Variants in PRMT7 observed in about 807,000 individuals in gnomAD.
The protein encoded by PRMT7 is protein arginine N-methyltransferase 7.
PRMT7 carries 75 observed loss-of-function variants against 85.4 expected under a neutral mutation model. The observed-to-expected ratio is 0.88, with a 90% CI of 0.73 to 1.06. The LOEUF is 1.06. Among genes scored for constraint, PRMT7 ranks in the 50% least tolerant of loss-of-function variants. The pLI, the probability that PRMT7 is intolerant of heterozygous loss-of-function variation, is 0.00. For synonymous variants in PRMT7, 397 were observed against 359.5 expected (o/e 1.10, Z -1.18); for missense variants, 868 against 915.2 (o/e 0.95, Z 0.67).
intron 4 of PRMT7, chr16:68,322,352 C>CA (rs1567646664): frequency 2.3e-6 from 1 of 443,082 alleles, no homozygotes; most frequent in Non-Finnish European, 4.5e-6. Context: ...GGCATGCCAC[C>CA]ATGCCTGGCT....
At chr16:68,323,666 G>C (rs780435194) in intron 4 of PRMT7, 1 of 152,014 alleles carries the variant, frequency 6.6e-6, no homozygotes, top group Non-Finnish European at 1.5e-5. Flanking sequence ...TTTTTGACTT[G>C]TTTTGCATTG....
intron 3 of PRMT7, among the ~76,000 whole-genome samples, chr16:68,318,530 A>C (rs1377611468): frequency 6.6e-6 from 1 of 151,704 alleles, no homozygotes; most frequent in Non-Finnish European, 1.5e-5. Context: ...CATTTTGGAC[A>C]TTATTTTCTT....
intron 2 of PRMT7, among the ~76,000 whole-genome samples, chr16:68,313,656 T>G (rs997815206): frequency 2.0e-5 from 3 of 152,240 alleles, no homozygotes; most frequent in Non-Finnish European, 4.4e-5. Context: ...TAATGCACAT[T>G]ACAGATTCTG....
chr16:68,311,029 G>A lies in PRMT7; in HGVS notation c.-289G>A. 5.5e-6 allele frequency: 6 copies of A among 1,083,340 alleles called. No individual in the cohort carries two copies. The highest frequency in any genetic ancestry group is 1.6e-5 in the African/African-American group (1 of 64,174). The allele number at this position is 1,083,340 out of a possible 1,614,324, so 67.1% of individuals were successfully genotyped here. A position where few individuals can be genotyped will look rare whatever the true frequency, so the allele number is the denominator to read the frequency against. ...CCCAGCACGCTCCTCGACGCTGCGA[G>A]GTCCCGCCCCGCGTGCTGGCCGCGG... On this transcript the variant is annotated 5_prime_UTR_variant, in exon 1 of 19. Coordinates refer to ENST00000441236, the MANE Select transcript of PRMT7 (RefSeq NM_019023.5).
At chr16:68,323,963 A>G (rs748352162) in intron 4 of PRMT7, 20 of 152,222 alleles carry the variant, frequency 1.3e-4, no homozygotes, top group Non-Finnish European at 2.9e-4. Context: ...CTGATGGGGA[A>G]AATACTTTTT....
intron 5 of PRMT7, among the ~76,000 whole-genome samples, chr16:68,327,932 A>G (rs1041343457): frequency 6.6e-6 from 1 of 151,480 alleles, no homozygotes; most frequent in Non-Finnish European, 1.5e-5. Flanking sequence ...CCCTTCTCAA[A>G]AAAAAAAAAA....
rs555278286 is a variant in PRMT7, at chr16:68,333,128, G to A, written c.391+3954G>A. Among the ~76,000 whole-genome samples, 6 of 152,092 alleles carry A rather than the reference G, an allele frequency of 3.9e-5. No individual in the cohort carries two copies. The East Asian group carries it at 1.2e-3, about 29-fold the overall frequency. ...CTGCCTCAGCCTCCTGAGTAGCTGG[G>A]ACCACAGGCAGGCGCCACCATACCC... On this transcript the variant is annotated intron_variant, in intron 6 of 18. Coordinates refer to ENST00000441236, the MANE Select transcript of PRMT7 (RefSeq NM_019023.5).
intron 2 of PRMT7, among the ~76,000 whole-genome samples, chr16:68,312,472 G>A (rs1051059643): frequency 2.0e-5 from 3 of 151,958 alleles, no homozygotes; most frequent in Non-Finnish European, 2.9e-5. Flanking sequence ...TCCCAGACTC[G>A]ATATCCTTGC....
intron 6 of PRMT7, among the ~76,000 whole-genome samples, chr16:68,329,876 T>TACACACACACACACACAC (rs6145876): frequency 2.7e-5 from 4 of 148,720 alleles, no homozygotes; most frequent in Admixed American, 6.7e-5. Context: ...TATGTATATG[T>TACACACACACACACACAC]ACACACACAC....
intron 9 of PRMT7, among the ~76,000 whole-genome samples, chr16:68,344,933 T>TACACACACACACACACACATACATAC (rs60808184): frequency 7.6e-6 from 1 of 131,130 alleles, no homozygotes; most frequent in South Asian, 2.5e-4. Flanking sequence ...CCTGCATCTC[T>TACACACACACACACACACATACATAC]ACACACACAC....
At chr16:68,334,088 C>T (rs2084312583) in intron 6 of PRMT7, among the ~76,000 whole-genome samples, 1 of 152,160 alleles carries the variant, frequency 6.6e-6, no homozygotes. Flanking sequence ...TAATACTTTT[C>T]TTCATAGCGC....
Position 68,332,573 on chromosome 16 carries a change from C to T in PRMT7, c.391+3399C>T, listed in dbSNP as rs533172731. Among the ~76,000 whole-genome samples, 62 of 152,318 alleles carry T rather than the reference C, an allele frequency of 4.1e-4. 1 individual carries two copies. Among genetic ancestry groups the T allele is most frequent in the African/African-American group, 1.4e-3 (59 of 41,570 alleles). ...TGTTATCACTCATGCAACCTTTGCT[C>T]GGCTTCACAGAGTATTACCCTGTGT... On this transcript the variant is annotated intron_variant, in intron 6 of 18. Transcript: ENST00000441236.
chr16:68,357,355 C>A lies in PRMT7; in HGVS notation c.*131C>A. 1.0e-6 allele frequency: 1 copy of A among 988,432 alleles called. No individual in the cohort carries two copies. Among genetic ancestry groups the A allele is most frequent in the East Asian group, 2.6e-5 (1 of 37,998 alleles). The allele number at this position is 988,432 out of a possible 1,614,324, so 61.2% of individuals were successfully genotyped here. A position where few individuals can be genotyped will look rare whatever the true frequency, so the allele number is the denominator to read the frequency against. ...GCCTCAGGGATGGGAAAGACTGCGC[C>A]GTGTTGCATCTTGTTGCATCTTTGC... On this transcript the variant is annotated 3_prime_UTR_variant, in exon 19 of 19. Coordinates refer to ENST00000441236, the MANE Select transcript of PRMT7 (RefSeq NM_019023.5).
chr16:68,335,497 G>T lies in PRMT7; in HGVS notation c.392-1962G>T, dbSNP rs377382779. ...AGGATGGGCAGGGCTTCTCGGGAGG[G>T]TGGTCTCTGTGGCAGAAGACAGAAG... On this transcript the variant is annotated intron_variant, in intron 6 of 18. Coordinates refer to ENST00000441236, the MANE Select transcript of PRMT7 (RefSeq NM_019023.5). Among the ~76,000 whole-genome samples, 170 of 152,272 alleles carry T rather than the reference G, an allele frequency of 1.1e-3. 1 individual carries two copies. In the South Asian group the frequency reaches 0.035, roughly 31 times the overall value.
chr16:68,319,625 G>A (rs1004436540), intron 3 of PRMT7, among the ~76,000 whole-genome samples: 1 of 151,240 alleles, frequency 6.6e-6, no homozygotes, highest in African/African-American at 2.4e-5. Flanking sequence ...TTCTTTCAGT[G>A]CACCGCTCTT....
At chr16:68,345,903 CT>C in intron 10 of PRMT7, 101 bp downstream of exon 10, 2 of 1,522,296 alleles carry the variant, frequency 1.3e-6, no homozygotes, top group Admixed American at 3.5e-5. Context: ...TGATTTGTGT[CT>C]GGACAGAATA....
Position 68,339,544 on chromosome 16 carries a change from G to T in PRMT7, c.727G>T (p.Asp243Tyr). 6.2e-7 allele frequency: 1 copy of T among 1,613,824 alleles called. No homozygotes were observed. The highest frequency in any genetic ancestry group is 1.1e-5 in the South Asian group (1 of 91,082). ...ACCAGCCGACTTTACAGTCCTCAGC[G>T]ATGTGCTGCCCATGTTCAGGTACCA... ...VSPADFTVLS[D>Y]VLPMFSIDFS... Residue 243 changes from aspartate to tyrosine, a missense_variant, in exon 8 of 19, where the codon GAT becomes TAT. Physicochemically the swap from Asp to Tyr is radical, Grantham distance 160. Transcript: ENST00000441236.
At chr16:68,339,702 C>A in intron 8 of PRMT7, 86 bp from the exon 9 acceptor site, 1 of 1,570,142 alleles carries the variant, frequency 6.4e-7, no homozygotes, top group South Asian at 1.1e-5. Flanking sequence ...AGCCAAATGT[C>A]ATTGCCAGTG....
At chr16:68,348,956 G>C (rs1205009767) in intron 14 of PRMT7, among the ~76,000 whole-genome samples, 1 of 152,048 alleles carries the variant, frequency 6.6e-6, no homozygotes, top group Non-Finnish European at 1.5e-5. Context: ...TCTTAGCTCA[G>C]CCTCATCTCT....
Sources: allele counts gnomAD v4.1 joint callset (sites outside exome capture counted in the v4.1 genomes callset), GRCh38; gene constraint gnomAD v4.1.1; transcripts MANE v1.5; gene names NCBI Gene and HGNC (gene_info 2026-07-23, HGNC 2026-07-21).